Variants in LRMDA observed in about 807,000 individuals in gnomAD.
The protein encoded by LRMDA is leucine-rich melanocyte differentiation-associated protein.
LRMDA carries 18 observed loss-of-function variants against 29.8 expected under a neutral mutation model. The observed-to-expected ratio is 0.60, with a 90% CI of 0.42 to 0.90. The LOEUF is 0.90. LRMDA is among the 40% of genes least tolerant of loss of function. The pLI is 0.00. For synonymous variants in LRMDA, 125 were observed against 109.4 expected, an observed-to-expected ratio of 1.14 and a Z score of -0.89; for missense variants, 273 against 273.9, an observed-to-expected ratio of 1.00 and a Z score of 0.02.
At chr10:76,365,107 T>TATATATATATATATATATAGACAC (rs141131236) in intron 6 of LRMDA, among the ~76,000 whole-genome samples, 3 of 61,202 alleles carry the variant, frequency 4.9e-5, no homozygotes, top group South Asian at 4.2e-4. Flanking sequence ...TATATATATA[T>TATATATATATATATATATAGACAC]ACACACACAC....
chr10:75,970,393 C>T (rs1846945533), intron 2 of LRMDA, among the ~76,000 whole-genome samples: 3 of 152,252 alleles, frequency 2.0e-5, no homozygotes, highest in Admixed American at 1.3e-4. Context: ...CTTTACCTCC[C>T]CTTAAGCCCC....
At chr10:75,618,355 A>ACTCTCCCT (rs1229227592) in intron 2 of LRMDA, among the ~76,000 whole-genome samples, 2 of 131,882 alleles carry the variant, frequency 1.5e-5, no homozygotes, top group African/African-American at 5.9e-5. Context: ...TCTTTACCAG[A>ACTCTCCCT]CTCTCTCTCT....
At chr10:76,228,899 T>C (rs866054795) in intron 5 of LRMDA, among the ~76,000 whole-genome samples, 3 of 152,236 alleles carry the variant, frequency 2.0e-5, no homozygotes, top group African/African-American at 7.2e-5. Flanking sequence ...ATTTAAACTA[T>C]AGCTTAAATG....
intron 5 of LRMDA, among the ~76,000 whole-genome samples, chr10:76,297,361 A>T (rs1564715079): frequency 6.6e-6 from 1 of 152,186 alleles, no homozygotes; most frequent in Non-Finnish European, 1.5e-5. Flanking sequence ...TTATCAGATA[A>T]CTTAGAGTGG....
chr10:76,370,002 C>T (rs1841434400), intron 6 of LRMDA, among the ~76,000 whole-genome samples: 1 of 151,958 alleles, frequency 6.6e-6, no homozygotes, highest in African/African-American at 2.4e-5. Context: ...GGAAATGGAG[C>T]CAAGACTGTA....
At chr10:75,461,021 G>T (rs1340821508) in intron 2 of LRMDA, among the ~76,000 whole-genome samples, 1 of 152,068 alleles carries the variant, frequency 6.6e-6, no homozygotes, top group Non-Finnish European at 1.5e-5. Flanking sequence ...CCCTCGTAAG[G>T]GAAAATAAAT....
chr10:76,085,422 G>T (rs180719065), intron 5 of LRMDA, among the ~76,000 whole-genome samples: 1 of 152,170 alleles, frequency 6.6e-6, no homozygotes, highest in Non-Finnish European at 1.5e-5. Context: ...GCAATCTTGC[G>T]CTGTATTTTC....
chr10:75,626,607 G>C (rs764970875), intron 2 of LRMDA, among the ~76,000 whole-genome samples: 1 of 152,136 alleles, frequency 6.6e-6, no homozygotes, highest in Admixed American at 6.6e-5. Context: ...GGATGTTTTC[G>C]TATTAATTCC....
intron 6 of LRMDA, chr10:76,433,730 T>C (rs948117548): frequency 3.3e-5 from 5 of 152,276 alleles, no homozygotes; most frequent in African/African-American, 1.2e-4. Flanking sequence ...AGCCCTGAGA[T>C]TGCTCCAGCC....
At chr10:76,452,122 A>T (rs950377224) in intron 6 of LRMDA, among the ~76,000 whole-genome samples, 3 of 152,128 alleles carry the variant, frequency 2.0e-5, no homozygotes, top group African/African-American at 7.2e-5. Context: ...TGTGGACAGG[A>T]AGTGGGTGGC....
rs767552057 is a variant in LRMDA, at chr10:76,026,147, A to G, written c.132-9861A>G. Among the ~76,000 whole-genome samples the G allele has an allele frequency of 7.9e-5, 12 of 152,226 alleles. 1 individual carries two copies. The highest frequency in any genetic ancestry group is 6.5e-4 in the Admixed American group (10 of 15,288). ...TCCATGGAGTACAGAGTGAAAGGAA[A>G]AAGAACTCGAAAACCATTTAGGTTC... On this transcript the variant is annotated intron_variant, in intron 2 of 6. Coordinates refer to ENST00000611255, the MANE Select transcript of LRMDA (RefSeq NM_001305581.2).
intron 2 of LRMDA, among the ~76,000 whole-genome samples, chr10:75,709,926 C>T (rs1842416190): frequency 6.6e-6 from 1 of 152,166 alleles, no homozygotes; most frequent in African/African-American, 2.4e-5. Context: ...TTGCTTAGCT[C>T]ATATCACATT....
chr10:76,498,927 T>G, intron 6 of LRMDA, among the ~76,000 whole-genome samples: 1 of 74,236 alleles, frequency 1.3e-5, no homozygotes, highest in Middle Eastern at 7.7e-3. Context: ...TTCCATAGTC[T>G]ATTTATAAGC....
At chr10:76,519,262 T>C (rs1256463299) in intron 6 of LRMDA, among the ~76,000 whole-genome samples, 1 of 152,130 alleles carries the variant, frequency 6.6e-6, no homozygotes, top group East Asian at 1.9e-4. Context: ...GAGTTGAACA[T>C]TTATGAAAAT....
chr10:76,401,987 C>T (rs955394223), intron 6 of LRMDA, among the ~76,000 whole-genome samples: 1 of 151,976 alleles, frequency 6.6e-6, no homozygotes, highest in Non-Finnish European at 1.5e-5. Context: ...AGACAATAAA[C>T]AAGATGATTT....
At chr10:76,329,427 G>A (rs1840876944) in intron 6 of LRMDA, among the ~76,000 whole-genome samples, 1 of 152,120 alleles carries the variant, frequency 6.6e-6, no homozygotes, top group Non-Finnish European at 1.5e-5. Flanking sequence ...TTATACTATA[G>A]TCTTGAAGAT....
chr10:75,991,810 A>G (rs1489192413), intron 2 of LRMDA, among the ~76,000 whole-genome samples: 1 of 152,192 alleles, frequency 6.6e-6, no homozygotes, highest in Non-Finnish European at 1.5e-5. Context: ...CTGGCTTCCA[A>G]TTCAAGTGAT....
At chr10:76,141,405 T>C (rs1337963768) in intron 5 of LRMDA, among the ~76,000 whole-genome samples, 1 of 152,146 alleles carries the variant, frequency 6.6e-6, no homozygotes, top group Non-Finnish European at 1.5e-5. Context: ...TACTAGTAGC[T>C]GGCGCAGTGC....
At chr10:76,043,926 T>A (rs1848383340) in intron 3 of LRMDA, among the ~76,000 whole-genome samples, 1 of 152,242 alleles carries the variant, frequency 6.6e-6, no homozygotes, top group African/African-American at 2.4e-5. Context: ...AAGTAGGTTT[T>A]GGTCCGGGCT....
Sources: allele counts gnomAD v4.1 joint callset (sites outside exome capture counted in the v4.1 genomes callset), GRCh38; gene constraint gnomAD v4.1.1; transcripts MANE v1.5; gene names NCBI Gene and HGNC (gene_info 2026-07-23, HGNC 2026-07-21).